The following ARHGAP12 variants were observed in gnomAD, a reference collection of about 807,000 sequenced individuals.
ARHGAP12 encodes rho GTPase-activating protein 12.
Under a neutral mutation model 108.6 loss-of-function variants are expected in ARHGAP12, and 64 were observed. That is an observed-to-expected ratio of 0.59 (90% CI 0.48 to 0.73). The LOEUF (loss-of-function observed/expected upper bound fraction) is 0.73, where lower values mean the gene tolerates loss of function less well. Among genes scored for constraint, ARHGAP12 ranks in the 30% least tolerant of loss-of-function variants. The probability of loss-of-function intolerance (pLI) is 0.00; values close to 1 mark genes in which losing one functional copy is unlikely to be tolerated. For synonymous variants in ARHGAP12, 312 were observed against 337.2 expected (o/e 0.93, Z 0.82); for missense variants, 940 against 1,005.9 (o/e 0.93, Z 0.89).
At chr10:31,808,455 T>C in intron 19 of ARHGAP12, 194 bp downstream of exon 19, 1 of 499,810 alleles carries the variant, frequency 2.0e-6, no homozygotes, top group Non-Finnish European at 3.6e-6. Context: ...ATACCTACTT[T>C]ACTGTATTCT....
rs964644282 is a variant in ARHGAP12, at chr10:31,908,627, G to C, written c.229C>G (p.Leu77Val). ...QYVKEVTRKA[L>V]MPPVKQVAGL... ...GCTACCTGCTTAACAGGTGGCATGA[G>C]AGCTTTGCGCGTGACCTCCTTCACA... Residue 77 changes from leucine to valine, a missense_variant, in exon 3 of 20, where the codon CTC becomes GTC. Coordinates refer to ENST00000344936, the MANE Select transcript of ARHGAP12 (RefSeq NM_018287.7). 6 of 1,614,214 alleles carry C rather than the reference G, an allele frequency of 3.7e-6. No homozygotes were observed. The highest frequency in any genetic ancestry group is 5.1e-6 in the Non-Finnish European group (6 of 1,180,038).
chr10:31,907,799 C>T (rs1349754620), intron 3 of ARHGAP12, among the ~76,000 whole-genome samples: 3 of 152,028 alleles, frequency 2.0e-5, no homozygotes, highest in African/African-American at 7.2e-5. Flanking sequence ...TTCTTGGAAC[C>T]AAGTCAAAAT....
Position 31,809,326 on chromosome 10 carries a change from T to TTGTG in ARHGAP12, c.2051-23_2051-20dup, listed in dbSNP as rs533175767. On this transcript the variant is annotated intron_variant, in intron 16 of 19. Coordinates refer to ENST00000344936, the MANE Select transcript of ARHGAP12 (RefSeq NM_018287.7). ...TCCAAACCTAAGAGACAATAATAAT[T>TTGTG]TGTGTGTGTGTGTGTTTAAAGTACT... 2.5e-6 allele frequency: 4 copies of TTGTG among 1,607,398 alleles called. No individual in the cohort carries two copies. The highest frequency in any genetic ancestry group is 1.7e-4 in the Middle Eastern group (1 of 6,042).
intron 7 of ARHGAP12, 108 bp downstream of exon 7, chr10:31,843,353 T>G: frequency 8.2e-7 from 1 of 1,220,022 alleles, no homozygotes; most frequent in South Asian, 1.5e-5. Context: ...AGAAATCAAA[T>G]GTTTTAGCAA....
At chr10:31,850,792 TTCAGAGTTCTGAGTGCTTGGCA>T (rs1385644660) in intron 6 of ARHGAP12, among the ~76,000 whole-genome samples, 4 of 152,160 alleles carry the variant, frequency 2.6e-5, no homozygotes, top group Non-Finnish European at 5.9e-5. Context: ...GCTATGGTTC[TTCAGAGTTCTGAGTGCTTGGCA>T]CAACTTCAAA....
chr10:31,885,199 G>C (rs1838145994), intron 3 of ARHGAP12, among the ~76,000 whole-genome samples: 1 of 152,076 alleles, frequency 6.6e-6, no homozygotes, highest in Admixed American at 6.5e-5. Flanking sequence ...AATCAAACAA[G>C]AGCAACAAAA....
At position 31,822,944 on chromosome 10, in the gene ARHGAP12, T is replaced by C. The variant is rs548062200; in HGVS notation, c.1531-2456A>G. On this transcript the variant is annotated intron_variant, in intron 11 of 19. Transcript: ENST00000344936. ...GACAGCCCCACCGACAACAAATAATTATCTAGCCCAAAAGAGTGACTATTT... is the reference window on the plus strand; with the variant it reads ...GACAGCCCCACCGACAACAAATAATCATCTAGCCCAAAAGAGTGACTATTT... 9.2e-5 allele frequency among the ~76,000 whole-genome samples: 14 copies of C among 152,294 alleles called. No individual in the cohort carries two copies. The South Asian group carries it at 2.9e-3, about 32-fold the overall frequency.
At chr10:31,832,824 C>T (rs1835882374) in intron 9 of ARHGAP12, among the ~76,000 whole-genome samples, 1 of 152,100 alleles carries the variant, frequency 6.6e-6, no homozygotes, top group African/African-American at 2.4e-5. Context: ...AAAGTTTCGT[C>T]TGGTCTGATA....
chr10:31,830,205 A>C (rs143332972), intron 10 of ARHGAP12, among the ~76,000 whole-genome samples: 52 of 152,278 alleles, frequency 3.4e-4, no homozygotes, highest in Non-Finnish European at 6.9e-4. Context: ...AAGGCTCTTT[A>C]GAATATTCAG....
At chr10:31,880,729 T>G (rs1837915697) in intron 3 of ARHGAP12, among the ~76,000 whole-genome samples, 1 of 152,122 alleles carries the variant, frequency 6.6e-6, no homozygotes, top group Non-Finnish European at 1.5e-5. Context: ...CTATAAATTT[T>G]ATATTCATAT....
Position 31,887,661 on chromosome 10 carries a change from G to T in ARHGAP12, c.684+20511C>A, listed in dbSNP as rs200897041. ...ATTTTGCCCTTCCTGTTTTTTTTTT[G>T]TTTTTTTTTTTTTTGAGATGGAGTC... On this transcript the variant is annotated intron_variant, in intron 3 of 19. Transcript: ENST00000344936. Among the ~76,000 whole-genome samples, 495 of 130,350 alleles carry T rather than the reference G, an allele frequency of 3.8e-3. 2 individuals are homozygous for T. The highest frequency in any genetic ancestry group is 0.01 in the African/African-American group (343 of 34,038). 85.5% of individuals were successfully genotyped at this position (130,350 alleles called of 152,430 possible).
At chr10:31,864,450 C>T (rs1290006122) in intron 3 of ARHGAP12, among the ~76,000 whole-genome samples, 1 of 151,960 alleles carries the variant, frequency 6.6e-6, no homozygotes, top group African/African-American at 2.4e-5. Context: ...AAAATAAAAC[C>T]AACTTCATAA....
intron 1 of ARHGAP12, among the ~76,000 whole-genome samples, chr10:31,919,712 A>G (rs945221820): frequency 6.6e-6 from 1 of 151,912 alleles, no homozygotes; most frequent in African/African-American, 2.4e-5. Flanking sequence ...AATGGTGTGA[A>G]CCAGGGAGGT....
chr10:31,849,020 T>G (rs924558548), intron 6 of ARHGAP12, among the ~76,000 whole-genome samples: 1 of 151,626 alleles, frequency 6.6e-6, no homozygotes, highest in Non-Finnish European at 1.5e-5. Flanking sequence ...ATCGCGCCAC[T>G]GCACTCCAGC....
intron 3 of ARHGAP12, among the ~76,000 whole-genome samples, chr10:31,895,158 T>C (rs369593622): frequency 1.4e-4 from 21 of 152,082 alleles, no homozygotes; most frequent in African/African-American, 2.6e-4. Context: ...AGAAGAAAAC[T>C]TAGGCAATAC....
At chr10:31,919,274 A>G (rs1257241981) in intron 1 of ARHGAP12, among the ~76,000 whole-genome samples, 1 of 152,236 alleles carries the variant, frequency 6.6e-6, no homozygotes, top group East Asian at 1.9e-4. Context: ...CAGTTTAGAA[A>G]GATGAAAAAG....
chr10:31,841,481 T>A (rs535593814), intron 7 of ARHGAP12, among the ~76,000 whole-genome samples: 1 of 152,104 alleles, frequency 6.6e-6, no homozygotes, highest in African/African-American at 2.4e-5. Context: ...AATATGACAC[T>A]CTCTCATGAT....
chr10:31,899,187 G>T (rs1487749415), intron 3 of ARHGAP12, among the ~76,000 whole-genome samples: 1 of 152,200 alleles, frequency 6.6e-6, no homozygotes, highest in East Asian at 1.9e-4. Flanking sequence ...ACAGTGGGGT[G>T]ATAGCTAAAG....
rs1027388881 is a variant in ARHGAP12 at position 31,922,019 on chromosome 10, A to G, written c.-111+6664T>C. On this transcript the variant is annotated intron_variant, in intron 1 of 19. Coordinates refer to ENST00000344936, the MANE Select transcript of ARHGAP12 (RefSeq NM_018287.7). ...ACCCTGGGCAACGTGGTGAAACCCC[A>G]TATCTACCAAAAATACAAAAAATTA... is the stretch of plus-strand genomic sequence containing the variant. Among the ~76,000 whole-genome samples, 6 of 151,196 alleles carry G rather than the reference A, an allele frequency of 4.0e-5. No homozygotes were observed. The East Asian group carries it at 1.2e-3, about 30-fold the overall frequency.
Sources: allele counts gnomAD v4.1 joint callset (sites outside exome capture counted in the v4.1 genomes callset), GRCh38; gene constraint gnomAD v4.1.1; transcripts MANE v1.5; gene names NCBI Gene and HGNC (gene_info 2026-07-23, HGNC 2026-07-21).